The following B3GAT3 variants were observed in gnomAD, a reference collection of about 807,000 sequenced individuals.
The protein encoded by B3GAT3 is galactosylgalactosylxylosylprotein 3-beta-glucuronosyltransferase 3.
Under a neutral mutation model 33.1 loss-of-function variants are expected in B3GAT3, and 19 were observed. That is an observed-to-expected ratio of 0.57 (90% CI 0.40 to 0.84). The LOEUF (loss-of-function observed/expected upper bound fraction) is 0.84. Ranked by LOEUF, B3GAT3 falls within the 40% of genes least tolerant of loss-of-function variation. The probability of loss-of-function intolerance (pLI) is 0.00; values close to 1 mark genes in which losing one functional copy is unlikely to be tolerated. For missense variants in B3GAT3, 344 were observed against 441.5 expected, an observed-to-expected ratio of 0.78 and a Z score of 1.98; for synonymous variants, 167 against 193.5, an observed-to-expected ratio of 0.86 and a Z score of 1.14.
chr11:62,618,198 A>C (rs1296719052), intron 2 of B3GAT3, among the ~76,000 whole-genome samples: 2 of 151,072 alleles, frequency 1.3e-5, no homozygotes, highest in African/African-American at 2.4e-5. Flanking sequence ...AAAAAAAAAA[A>C]AAAAAACAAA....
chr11:62,620,794 T>G, intron 1 of B3GAT3, 123 bp from the exon 2 acceptor site: 1 of 927,204 alleles, frequency 1.1e-6, no homozygotes, highest in Non-Finnish European at 1.6e-6. Flanking sequence ...ACCTTATGAC[T>G]TCCCTAGTAG....
At chr11:62,616,926 C>T in intron 3 of B3GAT3, 61 bp downstream of exon 3, 1 of 1,613,530 alleles carries the variant, frequency 6.2e-7, no homozygotes, top group Non-Finnish European at 8.5e-7. Flanking sequence ...CACTGCTAAC[C>T]AAGGTAACGA....
chr11:62,621,011 A>G, intron 1 of B3GAT3: 1 of 516,966 alleles, frequency 1.9e-6, no homozygotes, highest in Non-Finnish European at 3.8e-6. Flanking sequence ...GGTGCCAACT[A>G]ACCATTACAC....
intron 2 of B3GAT3, among the ~76,000 whole-genome samples, chr11:62,618,377 T>TA (rs1198223121): frequency 6.6e-6 from 1 of 151,886 alleles, no homozygotes; most frequent in Non-Finnish European, 1.5e-5. Flanking sequence ...AAAGATTAAA[T>TA]AAGAGCTGGG....
chr11:62,620,753 G>T, intron 1 of B3GAT3, 82 bp from the exon 2 acceptor site: 2 of 1,368,628 alleles, frequency 1.5e-6, no homozygotes, highest in Non-Finnish European at 1.0e-6. Context: ...GGCCGTAATC[G>T]TCTCATTAAT....
chr11:62,619,000 A>T (rs10897288), intron 2 of B3GAT3, among the ~76,000 whole-genome samples: 87,916 of 145,244 alleles, frequency 0.61, 29,331 homozygotes, highest in East Asian at 0.93. Flanking sequence ...AAAAAAAAAA[A>T]ATTAGCCTGG....
chr11:62,619,341 C>T (rs1290425276), intron 2 of B3GAT3, among the ~76,000 whole-genome samples: 1 of 152,144 alleles, frequency 6.6e-6, no homozygotes. Flanking sequence ...ATCTGATTCC[C>T]AGAAGATGTA....
At chr11:62,621,393 G>A in intron 1 of B3GAT3, 1 of 449,324 alleles carries the variant, frequency 2.2e-6, no homozygotes, top group Non-Finnish European at 4.5e-6. Flanking sequence ...ATTAAGAATG[G>A]TAACTTTAGC....
In B3GAT3 at chr11:62,621,978, G is replaced by A. The variant is rs778796427; in HGVS notation, c.-31C>T. The A allele has an allele frequency of 7.6e-5, 122 of 1,611,190 alleles. No individual in the cohort carries two copies. The highest frequency in any genetic ancestry group is 2.5e-4 in the East Asian group (11 of 44,760). ...CGCCGCCGCCCGCGCCCGAGCAGGC[G>A]GGGTCTGCAGGGGACGAGGGGTTCC... On this transcript the variant is annotated 5_prime_UTR_variant, in exon 1 of 5. Transcript: ENST00000265471.
Position 62,615,520 on chromosome 11 carries a change from G to A in B3GAT3, c.*181C>T. The A allele has an allele frequency of 8.5e-7, 1 of 1,172,948 alleles. No individual in the cohort carries two copies. 72.7% of individuals were successfully genotyped at this position (1,172,948 alleles called of 1,614,324 possible). Reference sequence around the variant, plus strand: ...TGCTTGTCCCCAGCCTGTGGGCAGTGCCACACGGCAGGCTAGGGGAGGGGT... The same window carrying A: ...TGCTTGTCCCCAGCCTGTGGGCAGTACCACACGGCAGGCTAGGGGAGGGGT... On this transcript the variant is annotated 3_prime_UTR_variant, in exon 5 of 5. Coordinates refer to ENST00000265471, the MANE Select transcript of B3GAT3 (RefSeq NM_012200.4).
rs770428920 is a variant in B3GAT3, at chr11:62,615,684, T to C, written c.*17A>G. ...GTCTGTGCCTGAAAAGAGGTGGTAGTTGGGGTGGGGCCGCCATCACACCTC... is the reference window on the plus strand; with the variant it reads ...GTCTGTGCCTGAAAAGAGGTGGTAGCTGGGGTGGGGCCGCCATCACACCTC... On this transcript the variant is annotated 3_prime_UTR_variant, in exon 5 of 5. Coordinates refer to ENST00000265471, the MANE Select transcript of B3GAT3 (RefSeq NM_012200.4). 1 of 1,611,512 alleles carries C rather than the reference T, an allele frequency of 6.2e-7. No homozygotes were observed. The highest frequency in any genetic ancestry group is 1.1e-5 in the South Asian group (1 of 90,586).
Position 62,616,623 on chromosome 11 carries a change from T to C in B3GAT3, c.792A>G (p.Leu264=). 6.2e-7 allele frequency: 1 copy of C among 1,614,118 alleles called. No homozygotes were observed. Among genetic ancestry groups the C allele is most frequent in the Non-Finnish European group, 8.5e-7 (1 of 1,180,008 alleles). ...AGFAVALPLL[L]DKPNAQFDST... ...AATCAAATTGGGCATTGGGCTTATC[T>C]AACAGCAAGGGCAGGGCCACGGCAA... Residue 264 remains leucine, a synonymous_variant, in exon 4 of 5, where the codon TTA becomes TTG. Coordinates refer to ENST00000265471, the MANE Select transcript of B3GAT3 (RefSeq NM_012200.4).
intron 1 of B3GAT3, 108 bp from the exon 2 acceptor site, chr11:62,620,779 G>T (rs956950007): frequency 8.8e-7 from 1 of 1,133,682 alleles, no homozygotes; most frequent in Non-Finnish European, 1.3e-6. Context: ...ACCAATGCAG[G>T]TATCACCTTA....
chr11:62,617,877 C>T (rs1355774999), intron 2 of B3GAT3, among the ~76,000 whole-genome samples: 2 of 62,460 alleles, frequency 3.2e-5, no homozygotes, highest in Admixed American at 1.8e-4. Flanking sequence ...AACTCCATCT[C>T]AAAAAAAAAA....
intron 2 of B3GAT3, chr11:62,617,555 C>T (rs898155855): frequency 2.2e-4 from 146 of 674,662 alleles, no homozygotes; most frequent in Admixed American, 4.5e-4. Flanking sequence ...CACCTCAACT[C>T]CAGAGCTCAG....
At position 62,616,997 on chromosome 11, in the gene B3GAT3, A is replaced by G. The variant is rs750004570; in HGVS notation, c.608T>C (p.Leu203Pro). The G allele has an allele frequency of 1.2e-6, 2 of 1,614,142 alleles. No homozygotes were observed. Among genetic ancestry groups the G allele is most frequent in the South Asian group, 2.2e-5 (2 of 91,082 alleles). Residue 203 changes from leucine to proline, a missense_variant, in exon 3 of 5, where the codon CTG becomes CCG. By Grantham distance (98) the Leu-to-Pro change is moderately conservative (BLOSUM62 -3). Coordinates refer to ENST00000265471, the MANE Select transcript of B3GAT3 (RefSeq NM_012200.4). Reference protein sequence around the residue: ...ADDDNTYSRELFEEMRWTRGV... With the variant: ...ADDDNTYSREPFEEMRWTRGV... ...CATCCTGGTGCTCACCTCCTCAAAC[A>G]GCTCCCGGCTGTAGGTGTTGTCATC...
At chr11:62,621,819 G>A (rs752245642) in intron 1 of B3GAT3, 47 bp downstream of exon 1, 1 of 1,538,126 alleles carries the variant, frequency 6.5e-7, no homozygotes, top group Non-Finnish European at 8.7e-7. Context: ...GCACGGCGGC[G>A]GGCGCCCTCG....
intron 4 of B3GAT3, 111 bp downstream of exon 4, chr11:62,616,395 A>G: frequency 6.8e-7 from 1 of 1,468,206 alleles, no homozygotes; most frequent in South Asian, 1.2e-5. Context: ...CTGATCAGAG[A>G]TCTGGAGAGT....
Position 62,615,669 on chromosome 11 carries a change from G to T in B3GAT3, c.*32C>A. 6.2e-7 allele frequency: 1 copy of T among 1,607,184 alleles called. No individual in the cohort carries two copies. Among genetic ancestry groups the T allele is most frequent in the Non-Finnish European group, 8.5e-7 (1 of 1,177,798 alleles). On this transcript the variant is annotated 3_prime_UTR_variant, in exon 5 of 5. Transcript: ENST00000265471. ...GCCCAGTCCCACAAGGTCTGTGCCTGAAAAGAGGTGGTAGTTGGGGTGGGG... is the reference window on the plus strand; with the variant it reads ...GCCCAGTCCCACAAGGTCTGTGCCTTAAAAGAGGTGGTAGTTGGGGTGGGG...
Sources: allele counts gnomAD v4.1 joint callset (sites outside exome capture counted in the v4.1 genomes callset), GRCh38; gene constraint gnomAD v4.1.1; transcripts MANE v1.5; gene names NCBI Gene and HGNC (gene_info 2026-07-23, HGNC 2026-07-21).